The following FYTTD1 variants were observed in gnomAD, a reference collection of about 807,000 sequenced individuals.
FYTTD1 encodes the protein UAP56-interacting factor.
Under a neutral mutation model 40.9 loss-of-function variants are expected in FYTTD1, and 22 were observed. The ratio of observed to expected loss-of-function variants is 0.54; its 90% CI spans 0.38 to 0.77. The LOEUF is 0.77. Ranked by LOEUF, FYTTD1 falls within the 30% of genes least tolerant of loss-of-function variation. The pLI is 0.00. For missense variants in FYTTD1, 351 were observed against 392.2 expected, an observed-to-expected ratio of 0.90 and a Z score of 0.89; for synonymous variants, 140 against 137.9, an observed-to-expected ratio of 1.01 and a Z score of -0.10.
chr3:197,760,480 A>AATT (rs1560494126), intron 2 of FYTTD1, among the ~76,000 whole-genome samples: 1 of 146,430 alleles, frequency 6.8e-6, no homozygotes, highest in Non-Finnish European at 1.5e-5. Flanking sequence ...GAATGTATAG[A>AATT]GTTCTTCAGG....
At position 197,781,802 on chromosome 3, in the gene FYTTD1, TTTCTC is replaced by T; in HGVS notation, c.859-7_859-3del. On this transcript the variant is annotated splice_polypyrimidine_tract_variant and splice_region_variant and intron_variant, in intron 8 of 8. Transcript: ENST00000241502. Reference sequence around the variant, plus strand: ...TTTGTTGTTGTTTTTGTTTTTTTCTTTTCTCTAGACAGGGATGACGTTGAATGAGC... The same window carrying T: ...TTTGTTGTTGTTTTTGTTTTTTTCTTTAGACAGGGATGACGTTGAATGAGC... 2 of 1,586,292 alleles carry T rather than the reference TTTCTC, an allele frequency of 1.3e-6. No homozygotes were observed. The highest frequency in any genetic ancestry group is 1.7e-6 in the Non-Finnish European group (2 of 1,163,162).
intron 7 of FYTTD1, 52 bp from the exon 8 acceptor site, chr3:197,778,286 A>T (rs1279217085): frequency 7.0e-7 from 1 of 1,426,484 alleles, no homozygotes; most frequent in Non-Finnish European, 9.6e-7. Context: ...AAGTGAATTT[A>T]TTTTTCTTTT....
chr3:197,752,026 C>T (rs180906900), intron 1 of FYTTD1, among the ~76,000 whole-genome samples: 4 of 152,210 alleles, frequency 2.6e-5, no homozygotes, highest in Middle Eastern at 3.4e-3. Context: ...CACACGCCAG[C>T]GCTGGTGGCC....
At chr3:197,757,865 A>G (rs1017027589) in intron 2 of FYTTD1, among the ~76,000 whole-genome samples, 4 of 152,230 alleles carry the variant, frequency 2.6e-5, no homozygotes, top group African/African-American at 2.4e-5. Flanking sequence ...CATGACAGGT[A>G]TTTAACTGTA....
chr3:197,764,984 G>A (rs1054507671), intron 2 of FYTTD1, among the ~76,000 whole-genome samples: 1 of 151,418 alleles, frequency 6.6e-6, no homozygotes, highest in African/African-American at 2.4e-5. Flanking sequence ...CCAGTAGCTG[G>A]GATTACAGGT....
At chr3:197,772,788 T>C (rs1729756456) in intron 4 of FYTTD1, among the ~76,000 whole-genome samples, 1 of 152,190 alleles carries the variant, frequency 6.6e-6, no homozygotes, top group South Asian at 2.1e-4. Context: ...TTTGTGTTTT[T>C]AGTAGAGACG....
intron 2 of FYTTD1, among the ~76,000 whole-genome samples, chr3:197,765,493 A>G (rs185762857): frequency 4.6e-5 from 7 of 152,290 alleles, no homozygotes; most frequent in East Asian, 3.9e-4. Context: ...GTTTTTCCCA[A>G]TATGGTTTAA....
intron 2 of FYTTD1, among the ~76,000 whole-genome samples, chr3:197,757,374 A>G (rs1729242295): frequency 6.6e-6 from 1 of 152,124 alleles, no homozygotes; most frequent in African/African-American, 2.4e-5. Flanking sequence ...AATATGTTTG[A>G]CAAACTAACT....
chr3:197,774,202 A>T lies in FYTTD1; in HGVS notation c.648A>T (p.Arg216Ser), dbSNP rs1729804783. ...TGCTAGACGATGTAGTAGCAAAGAG[A>T]ACTCGTCAGTAAGTTTCCATTTGTT... is the stretch of plus-strand genomic sequence containing the variant. ...EQLLDDVVAK[R>S]TRQWRTSTTN... The change falls in exon 6 of 9, where the codon AGA becomes AGT. Residue 216 changes from arginine to serine, a missense_variant. Transcript: ENST00000241502. 1.9e-6 allele frequency: 3 copies of T among 1,613,372 alleles called. No individual in the cohort carries two copies. In the African/African-American group the frequency reaches 4.0e-5, roughly 22 times the overall value.
At chr3:197,751,801 G>A (rs1029534141) in intron 1 of FYTTD1, among the ~76,000 whole-genome samples, 2 of 152,132 alleles carry the variant, frequency 1.3e-5, no homozygotes, top group African/African-American at 4.8e-5. Context: ...GGATTCTAGC[G>A]ATGGAGAGCA....
At chr3:197,776,798 G>T (rs540461585) in intron 6 of FYTTD1, 129 bp from the exon 7 acceptor site, 27 of 613,770 alleles carry the variant, frequency 4.4e-5, no homozygotes, top group African/African-American at 4.3e-4. Flanking sequence ...TCATGGTGGG[G>T]TTCAGGTACT....
chr3:197,764,491 C>T (rs184120827), intron 2 of FYTTD1, among the ~76,000 whole-genome samples: 1 of 151,948 alleles, frequency 6.6e-6, no homozygotes, highest in Admixed American at 6.6e-5. Flanking sequence ...GGGCAGATTA[C>T]GAGGTCAGGA....
At chr3:197,761,238 G>A (rs1729378577) in intron 2 of FYTTD1, among the ~76,000 whole-genome samples, 1 of 152,066 alleles carries the variant, frequency 6.6e-6, no homozygotes, top group Non-Finnish European at 1.5e-5. Flanking sequence ...TTGTTCTTCA[G>A]TGGTAGAATG....
intron 2 of FYTTD1, among the ~76,000 whole-genome samples, chr3:197,766,720 G>C (rs954301995): frequency 6.6e-6 from 1 of 152,074 alleles, no homozygotes; most frequent in Admixed American, 6.6e-5. Flanking sequence ...TGGGATTATA[G>C]GCATCAGCCA....
chr3:197,758,207 C>T (rs1409164224), intron 2 of FYTTD1, among the ~76,000 whole-genome samples: 4 of 152,322 alleles, frequency 2.6e-5, no homozygotes, highest in Middle Eastern at 3.4e-3. Flanking sequence ...TGAGCCACTG[C>T]GCCTGGCCTA....
At chr3:197,774,324 C>A in intron 6 of FYTTD1, 114 bp downstream of exon 6, 1 of 889,484 alleles carries the variant, frequency 1.1e-6, no homozygotes, top group Non-Finnish European at 1.8e-6. Context: ...AAATAAAATT[C>A]AGTCTGAAAG....
chr3:197,780,532 G>T (rs556699369), intron 8 of FYTTD1, among the ~76,000 whole-genome samples: 18 of 152,172 alleles, frequency 1.2e-4, no homozygotes, highest in Middle Eastern at 3.4e-3. Flanking sequence ...CATTTAGTAT[G>T]ATATTAGGCA....
At position 197,783,985 on chromosome 3, in the gene FYTTD1, T is replaced by C. The variant is rs903394648; in HGVS notation, c.*2076T>C. On this transcript the variant is annotated 3_prime_UTR_variant, in exon 9 of 9. Transcript: ENST00000241502. ...GCCTTTGGTACAACTAAATTAAAAC[T>C]CTTGGTGGTCACATATTGTATATAA... is the stretch of plus-strand genomic sequence containing the variant. 1.3e-5 allele frequency: 2 copies of C among 152,644 alleles called. No homozygotes were observed. The highest frequency in any genetic ancestry group is 2.9e-5 in the Non-Finnish European group (2 of 68,040). 9.5% of individuals were successfully genotyped at this position (152,644 alleles called of 1,614,324 possible).
At chr3:197,750,731 G>A (rs1728998922) in intron 1 of FYTTD1, 1 of 985,398 alleles carries the variant, frequency 1.0e-6, no homozygotes, top group South Asian at 4.7e-5. Flanking sequence ...GAAAAGCACA[G>A]TCTCCCTCTC....
Sources: gnomAD v4.1 joint callset for allele counts (sites outside exome capture counted in the v4.1 genomes callset) on GRCh38, gnomAD v4.1.1 for gene constraint, MANE v1.5 for transcripts, NCBI Gene and HGNC (gene_info 2026-07-23, HGNC 2026-07-21) for gene names.